Variants in FOXP1 observed in about 807,000 individuals in gnomAD.
FOXP1 encodes the protein forkhead box P1.
A neutral mutation model predicts 98.2 loss-of-function variants in FOXP1; 15 were observed. That is an observed-to-expected ratio of 0.15 (90% confidence interval 0.10 to 0.24). FOXP1 has a LOEUF of 0.24. FOXP1 is among the 10% of genes least tolerant of loss of function. FOXP1 has a pLI of 1.00. For synonymous variants in FOXP1, 371 were observed against 314.5 expected (o/e 1.18, Z -1.90); for missense variants, 633 against 848.5 (o/e 0.75, Z 3.15).
At chr3:71,554,620 C>T (rs2045995836) in intron 2 of FOXP1, among the ~76,000 whole-genome samples, 5 of 152,100 alleles carry the variant, frequency 3.3e-5, no homozygotes, top group Admixed American at 3.3e-4. Flanking sequence ...GAAGCTGGCA[C>T]CATTTATTGT....
At chr3:71,225,308 C>T (rs2065746866) in intron 5 of FOXP1, among the ~76,000 whole-genome samples, 1 of 152,190 alleles carries the variant, frequency 6.6e-6, no homozygotes, top group Non-Finnish European at 1.5e-5. Flanking sequence ...CTATTTAATA[C>T]CTCTTACTTC....
intron 6 of FOXP1, among the ~76,000 whole-genome samples, chr3:71,172,299 A>G (rs573095548): frequency 6.6e-4 from 100 of 152,324 alleles, no homozygotes; most frequent in Non-Finnish European, 1.1e-3. Flanking sequence ...CCTGTTGGTT[A>G]TGTGCAGAAT....
chr3:71,474,500 G>A (rs62247160), intron 3 of FOXP1, among the ~76,000 whole-genome samples: 52,091 of 151,962 alleles, frequency 0.34, 9,378 homozygotes, highest in Non-Finnish European at 0.38. Flanking sequence ...GGAGGTCAGC[G>A]TCAGGCAAGC....
intron 2 of FOXP1, among the ~76,000 whole-genome samples, chr3:71,529,070 G>A (rs1222162192): frequency 6.6e-6 from 1 of 152,190 alleles, no homozygotes; most frequent in Non-Finnish European, 1.5e-5. Flanking sequence ...AGGCTTTTCT[G>A]TGATGAATAA....
intron 1 of FOXP1, chr3:71,582,635 G>A: frequency 1.0e-6 from 1 of 985,442 alleles, no homozygotes; most frequent in Non-Finnish European, 1.2e-6. Flanking sequence ...GAAAATGTGT[G>A]TGATGGTGGG....
intron 3 of FOXP1, among the ~76,000 whole-genome samples, chr3:71,485,439 T>C (rs751845486): frequency 9.2e-5 from 14 of 152,196 alleles, no homozygotes; most frequent in East Asian, 1.9e-4. Context: ...TAATTCAATA[T>C]GCAACTTTTT....
At chr3:71,009,912 C>G (rs954653015) in intron 12 of FOXP1, among the ~76,000 whole-genome samples, 3 of 147,730 alleles carry the variant, frequency 2.0e-5, no homozygotes, top group Admixed American at 1.3e-4. Flanking sequence ...CGACACCCAG[C>G]TGAATTTTTT....
At chr3:71,407,702 C>T (rs939447316) in intron 3 of FOXP1, among the ~76,000 whole-genome samples, 3 of 151,618 alleles carry the variant, frequency 2.0e-5, no homozygotes, top group African/African-American at 7.3e-5. Context: ...GCTTTCTGGC[C>T]ATGTCTTTGA....
intron 7 of FOXP1, among the ~76,000 whole-genome samples, chr3:71,057,280 T>A (rs1403509937): frequency 1.2e-5 from 1 of 86,660 alleles, no homozygotes; most frequent in African/African-American, 3.6e-5. Flanking sequence ...AAGTATTCAG[T>A]AAAAACGAAA....
chr3:70,983,259 CAAAA>C (rs1035973423), intron 14 of FOXP1, among the ~76,000 whole-genome samples: 1 of 139,896 alleles, frequency 7.1e-6, no homozygotes, highest in Non-Finnish European at 1.5e-5. Flanking sequence ...AAAGCAAAAA[CAAAA>C]AAATTCTAGT....
At chr3:71,541,088 T>C in intron 2 of FOXP1, among the ~76,000 whole-genome samples, 1 of 152,230 alleles carries the variant, frequency 6.6e-6, no homozygotes, top group East Asian at 1.9e-4. Flanking sequence ...ACAAGTCCCT[T>C]CTTTTAGCAA....
chr3:71,026,763 A>C (rs1479695505), intron 11 of FOXP1, among the ~76,000 whole-genome samples: 11 of 152,172 alleles, frequency 7.2e-5, no homozygotes. Flanking sequence ...TGCCATCTTG[A>C]TTCCCAGATG....
chr3:71,397,023 T>TATATGTGTATATATATATAC (rs1553871544), intron 3 of FOXP1, among the ~76,000 whole-genome samples: 2 of 24,044 alleles, frequency 8.3e-5, no homozygotes, highest in Non-Finnish European at 2.2e-4. Context: ...TATATATATA[T>TATATGTGTATATATATATAC]ACATATATAT....
chr3:71,173,445 G>C (rs966522966), intron 6 of FOXP1, among the ~76,000 whole-genome samples: 3 of 149,590 alleles, frequency 2.0e-5, no homozygotes, highest in Non-Finnish European at 4.4e-5. Context: ...TTCTTGCCCT[G>C]CATAAAAAGT....
intron 3 of FOXP1, among the ~76,000 whole-genome samples, chr3:71,458,136 T>C (rs1345107902): frequency 2.0e-5 from 3 of 152,216 alleles, no homozygotes; most frequent in African/African-American, 4.8e-5. Context: ...ATCTCATTGA[T>C]ACAAGATTAC....
intron 5 of FOXP1, among the ~76,000 whole-genome samples, chr3:71,234,476 C>A (rs549190984): frequency 3.3e-5 from 5 of 152,318 alleles, no homozygotes; most frequent in South Asian, 2.1e-4. Flanking sequence ...GGCGAGGATG[C>A]TCTTCAAATC....
intron 2 of FOXP1, among the ~76,000 whole-genome samples, chr3:71,575,862 A>C (rs1042638200): frequency 6.6e-6 from 1 of 152,246 alleles, no homozygotes; most frequent in East Asian, 1.9e-4. Flanking sequence ...CACAGCTGGG[A>C]GGGAGAAAGG....
At chr3:71,266,855 C>T (rs746298966) in intron 5 of FOXP1, among the ~76,000 whole-genome samples, 3 of 152,164 alleles carry the variant, frequency 2.0e-5, no homozygotes, top group Admixed American at 6.5e-5. Flanking sequence ...ATTTCACTTA[C>T]GATAATGGCC....
At position 71,135,940 on chromosome 3, in the gene FOXP1, T is replaced by C. The variant is rs570369744; in HGVS notation, c.181-23303A>G. On this transcript the variant is annotated intron_variant, in intron 6 of 20. Coordinates refer to ENST00000649528, the MANE Select transcript of FOXP1 (RefSeq NM_001349338.3). ...ATGTACTGTCAGACTTTCCCTCCCT[T>C]TGGAGAAAGAAAATCTTCCTTCAGA... Among the ~76,000 whole-genome samples the C allele has an allele frequency of 2.6e-5, 4 of 152,322 alleles. No homozygotes were observed. In the South Asian group the frequency reaches 8.3e-4, roughly 32 times the overall value.
Sources: allele counts gnomAD v4.1 joint callset (sites outside exome capture counted in the v4.1 genomes callset), GRCh38; gene constraint gnomAD v4.1.1; transcripts MANE v1.5; gene names NCBI Gene and HGNC (gene_info 2026-07-23, HGNC 2026-07-21).